Variants in NCAM1 observed in about 807,000 individuals in gnomAD.
The protein encoded by NCAM1 is neural cell adhesion molecule 1, also known as antigen recognized by monoclonal antibody 5.1H11.
NCAM1 carries 14 observed loss-of-function variants against 109.8 expected under a neutral mutation model. The observed-to-expected ratio is 0.13, with a 90% CI of 0.08 to 0.20. The LOEUF is 0.20. NCAM1 is among the 10% of genes least tolerant of loss of function. NCAM1 has a pLI of 1.00. For missense variants in NCAM1, 774 were observed against 1,109.9 expected (o/e 0.70, Z 4.30); for synonymous variants, 418 against 442.9 (o/e 0.94, Z 0.70).
At chr11:113,214,235 C>A (rs1294480744) in intron 7 of NCAM1, 134 bp from the exon 8 acceptor site, 2 of 826,194 alleles carry the variant, frequency 2.4e-6, no homozygotes, top group Non-Finnish European at 3.7e-6. Flanking sequence ...GTCAGGTCTG[C>A]ATCTCCTAAA....
intron 16 of NCAM1, among the ~76,000 whole-genome samples, chr11:113,256,691 CCACTT>C (rs1343486546): frequency 9.9e-5 from 15 of 152,190 alleles, no homozygotes; most frequent in African/African-American, 3.6e-4. Flanking sequence ...TGCTCACCAC[CCACTT>C]AAGATTCCCC....
At chr11:113,203,143 G>A (rs1309918355) in intron 2 of NCAM1, among the ~76,000 whole-genome samples, 1 of 152,178 alleles carries the variant, frequency 6.6e-6, no homozygotes, top group Admixed American at 6.5e-5. Flanking sequence ...ACATGACTGG[G>A]ATTCAGAACA....
intron 1 of NCAM1, among the ~76,000 whole-genome samples, chr11:112,970,624 C>T (rs1279939958): frequency 3.3e-5 from 5 of 151,912 alleles, no homozygotes; most frequent in African/African-American, 4.8e-5. Flanking sequence ...CTTCCGCAAT[C>T]GAATATAAGA....
At chr11:113,036,236 T>A (rs1263837148) in intron 1 of NCAM1, among the ~76,000 whole-genome samples, 1 of 152,160 alleles carries the variant, frequency 6.6e-6, no homozygotes, top group Non-Finnish European at 1.5e-5. Context: ...TGCTTCCTGC[T>A]TTTTATTCTC....
chr11:113,091,195 A>T (rs1320490602), intron 1 of NCAM1, among the ~76,000 whole-genome samples: 4 of 152,094 alleles, frequency 2.6e-5, no homozygotes, highest in African/African-American at 9.7e-5. Flanking sequence ...CTTCTCAAAA[A>T]GGTTAAGTAA....
Position 113,207,245 on chromosome 11 carries a change from C to A in NCAM1, c.629-16C>A, listed in dbSNP as rs148136990. The A allele has an allele frequency of 1.5e-3, 2,360 of 1,608,982 alleles. 25 individuals carry two copies. The African/African-American group carries it at 0.026, about 17-fold the overall frequency. On this transcript the variant is annotated splice_polypyrimidine_tract_variant and intron_variant, in intron 5 of 19. Coordinates refer to ENST00000316851, the MANE Select transcript of NCAM1 (RefSeq NM_181351.5). ...AAATTTTCACAACCACCCCATGACA[C>A]CCTTTTTTCCTTCAGTGCCACCTAC...
chr11:113,156,634 T>C (rs1180016297), intron 1 of NCAM1, among the ~76,000 whole-genome samples: 4 of 152,198 alleles, frequency 2.6e-5, no homozygotes, highest in African/African-American at 9.6e-5. Context: ...GCAATAATCT[T>C]GAGGTCTAGG....
chr11:113,244,304 C>G (rs527250496), intron 14 of NCAM1, among the ~76,000 whole-genome samples: 3 of 152,254 alleles, frequency 2.0e-5, no homozygotes, highest in Non-Finnish European at 1.5e-5. Context: ...GGTGTCTCTC[C>G]CCTGACATGT....
At chr11:113,264,428 G>C (rs1246286938) in intron 17 of NCAM1, 1 of 985,292 alleles carries the variant, frequency 1.0e-6, no homozygotes, top group Admixed American at 6.2e-5. Flanking sequence ...GCTCAGGCAG[G>C]GTAGTGCCTC....
intron 1 of NCAM1, among the ~76,000 whole-genome samples, chr11:113,048,619 G>A (rs1362885601): frequency 6.6e-6 from 1 of 152,164 alleles, no homozygotes; most frequent in Non-Finnish European, 1.5e-5. Flanking sequence ...ATGAGTAAAG[G>A]ACTGTGCTTT....
intron 1 of NCAM1, among the ~76,000 whole-genome samples, chr11:113,184,625 C>T (rs1247267192): frequency 6.6e-6 from 1 of 152,158 alleles, no homozygotes; most frequent in Non-Finnish European, 1.5e-5. Context: ...CGCTCTGAGC[C>T]TCTAGAATGC....
chr11:113,035,252 C>T (rs1028103823), intron 1 of NCAM1, among the ~76,000 whole-genome samples: 1 of 152,130 alleles, frequency 6.6e-6, no homozygotes, highest in South Asian at 2.1e-4. Context: ...AAGTTTGATT[C>T]TCAATTTTTC....
chr11:113,073,616 G>T (rs782775271), intron 1 of NCAM1, among the ~76,000 whole-genome samples: 3 of 152,096 alleles, frequency 2.0e-5, no homozygotes, highest in Non-Finnish European at 4.4e-5. Context: ...ATTTTAAAGA[G>T]TTTTGCTAAC....
rs1950609810 is a variant in NCAM1, at chr11:112,962,915, CTG to C, written c.52+1257_52+1258del. Among the ~76,000 whole-genome samples, 1 of 152,018 alleles carries C rather than the reference CTG, an allele frequency of 6.6e-6. No individual in the cohort carries two copies. Among genetic ancestry groups the C allele is most frequent in the South Asian group, 2.1e-4 (1 of 4,828 alleles). On this transcript the variant is annotated intron_variant, in intron 1 of 19. Coordinates refer to ENST00000316851, the MANE Select transcript of NCAM1 (RefSeq NM_181351.5). This position sits in a 1 kb window ranked among gnomAD's most constrained non-coding sequence, Gnocchi z 5.6. ...GATCGAGGAAAGCCGGGCGGAGGGG[CTG>C]TGTGTCGCGGTCGCAGCTCCAGGTA...
chr11:113,049,260 A>G (rs1555081396), intron 1 of NCAM1, among the ~76,000 whole-genome samples: 1 of 152,178 alleles, frequency 6.6e-6, no homozygotes, highest in Admixed American at 6.5e-5. Context: ...TTCAATGAAA[A>G]AAAAATGATT....
chr11:113,236,381 A>T, intron 14 of NCAM1: 1 of 1,563,250 alleles, frequency 6.4e-7, no homozygotes, highest in South Asian at 1.1e-5. Flanking sequence ...TCTAGTTCGT[A>T]ATTTAGTTCT....
intron 17 of NCAM1, 179 bp from the exon 18 acceptor site, chr11:113,270,009 G>T (rs2137761153): frequency 1.6e-6 from 1 of 633,648 alleles, no homozygotes; most frequent in South Asian, 1.9e-5. Context: ...GGAAGGTATA[G>T]AAAGACCCTG....
rs556890904 is a variant in NCAM1, at chr11:113,018,385, A to G, written c.52+56721A>G. Among the ~76,000 whole-genome samples, 5 of 152,252 alleles carry G rather than the reference A, an allele frequency of 3.3e-5. No homozygotes were observed. The South Asian group carries it at 8.3e-4, about 25-fold the overall frequency. ...TTTCTAAAAGGTGCCTGCGTCTCCA[A>G]GGGAACTTATTTCTCAGCAGTATAA... On this transcript the variant is annotated intron_variant, in intron 1 of 19. Transcript: ENST00000316851.
At chr11:112,997,191 G>A (rs1951617503) in intron 1 of NCAM1, among the ~76,000 whole-genome samples, 1 of 152,150 alleles carries the variant, frequency 6.6e-6, no homozygotes, top group Non-Finnish European at 1.5e-5. Context: ...GCATGAGGGA[G>A]TGGGTGTTAC....
Sources: allele counts gnomAD v4.1 joint callset (sites outside exome capture counted in the v4.1 genomes callset), GRCh38; gene constraint gnomAD v4.1.1; non-coding constraint Gnocchi (gnomAD v3.1); transcripts MANE v1.5; gene names NCBI Gene and HGNC (gene_info 2026-07-23, HGNC 2026-07-21).